Variants in CNTN6 observed in about 807,000 individuals in gnomAD.
CNTN6 encodes contactin 6.
Under a neutral mutation model 122.8 loss-of-function variants are expected in CNTN6, and 137 were observed. The ratio of observed to expected loss-of-function variants is 1.12; its 90% CI spans 0.97 to 1.29. The LOEUF (loss-of-function observed/expected upper bound fraction) is 1.29. CNTN6 is among the 50% of genes most tolerant of loss of function. CNTN6 has a pLI of 0.00. For synonymous variants in CNTN6, 570 were observed against 426.0 expected, an observed-to-expected ratio of 1.34 and a Z score of -4.16; for missense variants, 1,634 against 1,223.4, an observed-to-expected ratio of 1.34 and a Z score of -5.01.
intron 7 of CNTN6, among the ~76,000 whole-genome samples, chr3:1,303,825 T>C (rs1029129367): frequency 4.6e-5 from 7 of 152,214 alleles, no homozygotes; most frequent in East Asian, 1.9e-4. Context: ...GCAGTTGTTA[T>C]ACTACTGTGA....
chr3:1,154,439 C>A (rs1215522108), intron 2 of CNTN6, among the ~76,000 whole-genome samples: 1 of 142,812 alleles, frequency 7.0e-6, no homozygotes. Context: ...TTTTTCTTTT[C>A]TTTTCTTTCT....
At chr3:1,101,238 C>A (rs926790337) in intron 1 of CNTN6, among the ~76,000 whole-genome samples, 1 of 152,140 alleles carries the variant, frequency 6.6e-6, no homozygotes, top group Non-Finnish European at 1.5e-5. Context: ...CACCAAGTTT[C>A]CATAAGGTCA....
intron 11 of CNTN6, among the ~76,000 whole-genome samples, chr3:1,334,337 G>C (rs952532665): frequency 6.6e-6 from 1 of 151,470 alleles, no homozygotes; most frequent in Non-Finnish European, 1.5e-5. Context: ...TCACTGATAA[G>C]TGGCGTGACT....
chr3:1,148,300 A>G (rs2092765707), intron 2 of CNTN6, among the ~76,000 whole-genome samples: 1 of 152,008 alleles, frequency 6.6e-6, no homozygotes, highest in African/African-American at 2.4e-5. Context: ...GGCAAATATG[A>G]CATTTTTATA....
chr3:1,129,040 A>G (rs1354760990), intron 1 of CNTN6, among the ~76,000 whole-genome samples: 1 of 152,188 alleles, frequency 6.6e-6, no homozygotes, highest in East Asian at 1.9e-4. Flanking sequence ...GGTAAAAATT[A>G]GTGAACTATA....
intron 5 of CNTN6, among the ~76,000 whole-genome samples, chr3:1,293,723 G>T (rs1228179902): frequency 1.3e-5 from 2 of 152,078 alleles, no homozygotes; most frequent in Admixed American, 1.3e-4. Context: ...TTTTGAGTTA[G>T]TTGCAGTATA....
chr3:1,295,478 A>G (rs2063243), intron 5 of CNTN6, 123 bp from the exon 6 acceptor site: 362,398 of 703,780 alleles, frequency 0.51, 100,410 homozygotes, highest in East Asian at 0.81. Context: ...CTATCAACTG[A>G]GCAAATAGAG....
At chr3:1,398,164 G>A (rs1417891316) in intron 20 of CNTN6, among the ~76,000 whole-genome samples, 1 of 152,026 alleles carries the variant, frequency 6.6e-6, no homozygotes, top group Non-Finnish European at 1.5e-5. Context: ...GCAGTGTTTT[G>A]GTTTCTCAAG....
intron 2 of CNTN6, among the ~76,000 whole-genome samples, chr3:1,217,267 G>C (rs888898573): frequency 7.2e-5 from 11 of 152,046 alleles, no homozygotes; most frequent in African/African-American, 2.7e-4. Context: ...CTAGTGCTGT[G>C]GTTGGTATAG....
intron 4 of CNTN6, among the ~76,000 whole-genome samples, chr3:1,273,225 C>T (rs2095054762): frequency 6.6e-6 from 1 of 152,182 alleles, no homozygotes; most frequent in Non-Finnish European, 1.5e-5. Context: ...TGCACAAGGG[C>T]AGCCTGGGCA....
At chr3:1,255,398 C>T (rs111307309) in intron 4 of CNTN6, among the ~76,000 whole-genome samples, 7 of 140,252 alleles carry the variant, frequency 5.0e-5, no homozygotes, top group Middle Eastern at 3.7e-3. Context: ...GAAGGGGCTA[C>T]GTAAGACATT....
intron 2 of CNTN6, among the ~76,000 whole-genome samples, chr3:1,209,103 G>T (rs528404427): frequency 6.6e-6 from 1 of 152,240 alleles, no homozygotes; most frequent in East Asian, 1.9e-4. Context: ...TTTACTTTAT[G>T]ATCTGCATGC....
intron 7 of CNTN6, among the ~76,000 whole-genome samples, chr3:1,305,680 ATCTT>A (rs1266394537): frequency 2.6e-5 from 4 of 151,872 alleles, no homozygotes; most frequent in Non-Finnish European, 5.9e-5. Context: ...TTTTAAAAAA[ATCTT>A]AATTTAGTAC....
At chr3:1,248,460 A>G (rs189178217) in intron 4 of CNTN6, among the ~76,000 whole-genome samples, 1 of 152,350 alleles carries the variant, frequency 6.6e-6, no homozygotes, top group Admixed American at 6.5e-5. Flanking sequence ...CATGTAAAAT[A>G]GAAGCTACTA....
intron 11 of CNTN6, among the ~76,000 whole-genome samples, chr3:1,345,870 G>A (rs1315116137): frequency 1.3e-5 from 2 of 151,878 alleles, no homozygotes; most frequent in South Asian, 4.1e-4. Flanking sequence ...ATGGTCTACA[G>A]CATTATCTTT....
rs558818911 is a variant in CNTN6, at chr3:1,398,640, A to AAT, written c.2705-2787_2705-2786dup. Among the ~76,000 whole-genome samples the AAT allele has an allele frequency of 9.2e-4, 140 of 152,244 alleles. 1 individual carries two copies. The highest frequency in any genetic ancestry group is 9.6e-4 in the Non-Finnish European group (65 of 67,990). Reference sequence around the variant, plus strand: ...AGAATTAACAGTTACAGGGCTTTTTAATATATACCACTAACCAAATGAGGA... The same window carrying AAT: ...AGAATTAACAGTTACAGGGCTTTTTAATATATATACCACTAACCAAATGAGGA... On this transcript the variant is annotated intron_variant, in intron 20 of 22. Transcript: ENST00000446702.
At chr3:1,353,780 A>C (rs1420980286) in intron 12 of CNTN6, among the ~76,000 whole-genome samples, 1 of 151,704 alleles carries the variant, frequency 6.6e-6, no homozygotes, top group Non-Finnish European at 1.5e-5. Flanking sequence ...TTACAGCAGA[A>C]GATTAAAATG....
At chr3:1,153,369 T>C (rs2092891476) in intron 2 of CNTN6, among the ~76,000 whole-genome samples, 1 of 152,216 alleles carries the variant, frequency 6.6e-6, no homozygotes, top group Non-Finnish European at 1.5e-5. Flanking sequence ...TCTTGAAGAA[T>C]AAACTGAGAC....
chr3:1,364,541 G>T (rs1707939379), intron 12 of CNTN6, among the ~76,000 whole-genome samples: 1 of 151,624 alleles, frequency 6.6e-6, no homozygotes, highest in African/African-American at 2.4e-5. Flanking sequence ...AATATTTTCT[G>T]TATGGTCAGG....
Sources: allele counts gnomAD v4.1 joint callset (sites outside exome capture counted in the v4.1 genomes callset), GRCh38; gene constraint gnomAD v4.1.1; transcripts MANE v1.5; gene names NCBI Gene and HGNC (gene_info 2026-07-23, HGNC 2026-07-21).